ALK: variants seen among roughly 807,000 people sequenced by gnomAD.
The protein encoded by ALK is ALK receptor tyrosine kinase, also known as ALK tyrosine kinase receptor.
A neutral mutation model predicts 163.1 loss-of-function variants in ALK; 74 were observed. That is an observed-to-expected ratio of 0.45 (90% CI 0.38 to 0.55). ALK has a LOEUF of 0.55. Among genes scored for constraint, ALK ranks in the 20% least tolerant of loss-of-function variants. The pLI is 0.00. For synonymous variants in ALK, 960 were observed against 843.2 expected, an observed-to-expected ratio of 1.14 and a Z score of -2.40; for missense variants, 2,063 against 2,105.3, an observed-to-expected ratio of 0.98 and a Z score of 0.39.
intron 3 of ALK, among the ~76,000 whole-genome samples, chr2:29,579,826 T>C (rs1195315768): frequency 5.3e-5 from 8 of 152,160 alleles, no homozygotes; most frequent in Admixed American, 5.2e-4. Flanking sequence ...AAAGAGGGCG[T>C]AATTCTAGGA....
chr2:29,674,570 G>A (rs1409515914), intron 3 of ALK, among the ~76,000 whole-genome samples: 1 of 150,728 alleles, frequency 6.6e-6, no homozygotes, highest in African/African-American at 2.4e-5. Context: ...TGCTGGATTC[G>A]TTTTGCCAGT....
At position 29,865,032 on chromosome 2, in the gene ALK, A is replaced by T. The variant is rs1666395194; in HGVS notation, c.667+54961T>A. On this transcript the variant is annotated intron_variant, in intron 1 of 28. Coordinates refer to ENST00000389048, the MANE Select transcript of ALK (RefSeq NM_004304.5). ...TTTCTGGCCTGATGCTACTGAGTTC[A>T]ATGGGCTTTTGCTCCTATCAGCCTA... 2.0e-5 allele frequency among the ~76,000 whole-genome samples: 3 copies of T among 152,190 alleles called. No individual in the cohort carries two copies. The South Asian group carries it at 6.2e-4, about 32-fold the overall frequency.
chr2:29,865,937 C>T (rs569037471), intron 1 of ALK, among the ~76,000 whole-genome samples: 9 of 152,186 alleles, frequency 5.9e-5, no homozygotes, highest in East Asian at 5.8e-4. Flanking sequence ...CACCAAGGGT[C>T]GCTGGGAGCA....
chr2:29,698,214 T>C (rs1236149606), intron 2 of ALK, among the ~76,000 whole-genome samples: 2 of 152,322 alleles, frequency 1.3e-5, no homozygotes, highest in African/African-American at 4.8e-5. Flanking sequence ...GCTGCCTTAA[T>C]CTTCAAGATG....
intron 3 of ALK, among the ~76,000 whole-genome samples, chr2:29,615,831 T>C (rs917649055): frequency 6.6e-6 from 1 of 152,244 alleles, no homozygotes; most frequent in African/African-American, 2.4e-5. Context: ...AGGCTTCAAA[T>C]AGTGCTTGAG....
At chr2:29,725,972 G>A (rs1679560503) in intron 1 of ALK, among the ~76,000 whole-genome samples, 1 of 152,152 alleles carries the variant, frequency 6.6e-6, no homozygotes, top group Non-Finnish European at 1.5e-5. Flanking sequence ...TCATCCATGA[G>A]CGTCACAATG....
At chr2:29,532,233 C>T in intron 3 of ALK, 117 bp from the exon 4 acceptor site, 2 of 953,248 alleles carry the variant, frequency 2.1e-6, no homozygotes, top group Admixed American at 2.0e-5. Flanking sequence ...AGGCCATTAT[C>T]TCCTTCTCTG....
At chr2:29,296,076 T>A (rs1161790661) in intron 9 of ALK, among the ~76,000 whole-genome samples, 1 of 152,174 alleles carries the variant, frequency 6.6e-6, no homozygotes, top group Non-Finnish European at 1.5e-5. Flanking sequence ...GGGAGACAAG[T>A]GGCAGTGAAC....
intron 5 of ALK, among the ~76,000 whole-genome samples, chr2:29,374,370 T>C (rs942740273): frequency 2.0e-5 from 3 of 152,126 alleles, no homozygotes; most frequent in African/African-American, 4.8e-5. Context: ...TCAGTCTGAT[T>C]CTAAAGCCTC....
At chr2:29,220,964 G>A (rs1370205050) in intron 22 of ALK, 129 bp from the exon 23 acceptor site, 1 of 1,312,300 alleles carries the variant, frequency 7.6e-7, no homozygotes, top group Non-Finnish European at 1.1e-6. Flanking sequence ...TGTAAACATG[G>A]GCAGCAGGGG....
intron 3 of ALK, among the ~76,000 whole-genome samples, chr2:29,555,033 C>T (rs1233382065): frequency 2.0e-5 from 3 of 152,252 alleles, no homozygotes. Context: ...CAAGAAATAA[C>T]CTTAAAAAAG....
At chr2:29,771,339 A>T (rs1432783083) in intron 1 of ALK, among the ~76,000 whole-genome samples, 4 of 152,222 alleles carry the variant, frequency 2.6e-5, no homozygotes, top group Non-Finnish European at 4.4e-5. Context: ...ACACAGTGTC[A>T]TGAAATTTTA....
intron 1 of ALK, among the ~76,000 whole-genome samples, chr2:29,876,774 G>A (rs1486062146): frequency 6.6e-6 from 1 of 151,404 alleles, no homozygotes; most frequent in Non-Finnish European, 1.5e-5. Context: ...GATGATGATG[G>A]TGATGATGGT....
intron 1 of ALK, among the ~76,000 whole-genome samples, chr2:29,918,150 C>T (rs912103913): frequency 4.6e-5 from 7 of 152,218 alleles, no homozygotes; most frequent in African/African-American, 1.2e-4. Flanking sequence ...TAGCTTCATG[C>T]AACCTACCTG....
At chr2:29,660,416 C>T (rs1298204552) in intron 3 of ALK, among the ~76,000 whole-genome samples, 1 of 152,162 alleles carries the variant, frequency 6.6e-6, no homozygotes, top group Non-Finnish European at 1.5e-5. Context: ...CAGCTGCTCC[C>T]TCTCAAGGCC....
At chr2:29,598,365 T>TTTTGTTTG (rs10623988) in intron 3 of ALK, among the ~76,000 whole-genome samples, 2,837 of 151,522 alleles carry the variant, frequency 0.019, 66 homozygotes, top group African/African-American at 0.056. Context: ...GTTGTTTGTT[T>TTTTGTTTG]TTTGTTTGTT....
chr2:29,318,252 T>C (rs2148247808), intron 8 of ALK, 52 bp downstream of exon 8: 2 of 1,470,974 alleles, frequency 1.4e-6, no homozygotes, highest in Non-Finnish European at 1.9e-6. Context: ...GTTCCGGAAG[T>C]GACAAGAGGT....
chr2:29,880,613 C>A (rs1018619623), intron 1 of ALK, among the ~76,000 whole-genome samples: 4 of 152,204 alleles, frequency 2.6e-5, no homozygotes, highest in Admixed American at 2.0e-4. Flanking sequence ...AAAGAATAGC[C>A]CAAGTGGGAT....
chr2:29,705,635 A>C (rs1678888095), intron 2 of ALK, among the ~76,000 whole-genome samples: 1 of 152,148 alleles, frequency 6.6e-6, no homozygotes, highest in Non-Finnish European at 1.5e-5. Flanking sequence ...CCCAAGTTGG[A>C]AATTTGGCTG....
Sources: allele counts gnomAD v4.1 joint callset (sites outside exome capture counted in the v4.1 genomes callset), GRCh38; gene constraint gnomAD v4.1.1; transcripts MANE v1.5; gene names NCBI Gene and HGNC (gene_info 2026-07-23, HGNC 2026-07-21).